Variants in ADGRB3 observed in about 807,000 individuals in gnomAD.
The protein encoded by ADGRB3 is brain-specific angiogenesis inhibitor 3.
Under a neutral mutation model 193.4 loss-of-function variants are expected in ADGRB3, and 37 were observed. That is an observed-to-expected ratio of 0.19 (90% CI 0.15 to 0.25). The LOEUF (loss-of-function observed/expected upper bound fraction) is 0.25. Among genes scored for constraint, ADGRB3 ranks in the 10% least tolerant of loss-of-function variants. ADGRB3 has a pLI of 1.00. For missense variants in ADGRB3, 1,637 were observed against 1,852.9 expected, an observed-to-expected ratio of 0.88 and a Z score of 2.14; for synonymous variants, 690 against 644.2, an observed-to-expected ratio of 1.07 and a Z score of -1.08.
intron 1 of ADGRB3, among the ~76,000 whole-genome samples, chr6:68,636,694 G>A (rs1413226486): frequency 6.6e-6 from 1 of 152,170 alleles, no homozygotes; most frequent in Non-Finnish European, 1.5e-5. Flanking sequence ...AGGCATTAAA[G>A]TGAATTCAGA....
intron 17 of ADGRB3, among the ~76,000 whole-genome samples, chr6:69,160,839 C>T (rs1424504733): frequency 1.3e-5 from 2 of 152,090 alleles, no homozygotes; most frequent in East Asian, 3.9e-4. Context: ...GCAATTACCT[C>T]TGAACTTAGT....
intron 17 of ADGRB3, among the ~76,000 whole-genome samples, chr6:69,101,886 C>G (rs182647817): frequency 2.0e-5 from 3 of 152,138 alleles, no homozygotes; most frequent in African/African-American, 7.2e-5. Flanking sequence ...ACTATATTGC[C>G]TCCTAATATA....
intron 3 of ADGRB3, among the ~76,000 whole-genome samples, chr6:68,877,587 C>T (rs1005533091): frequency 2.6e-5 from 4 of 152,086 alleles, no homozygotes; most frequent in African/African-American, 9.7e-5. Context: ...GACCTTTGTT[C>T]TCAGCACATC....
intron 17 of ADGRB3, among the ~76,000 whole-genome samples, chr6:69,180,257 G>A (rs1042221353): frequency 2.6e-5 from 4 of 152,170 alleles, no homozygotes; most frequent in African/African-American, 7.2e-5. Flanking sequence ...GAATGGTGGG[G>A]TGGCTCAGAC....
chr6:69,300,844 A>G (rs1352240480), intron 20 of ADGRB3, among the ~76,000 whole-genome samples: 3 of 151,822 alleles, frequency 2.0e-5, no homozygotes, highest in Non-Finnish European at 2.9e-5. Context: ...GAGATATTAC[A>G]TGTTCATGAA....
Position 68,920,512 on chromosome 6 carries a change from CAAAAAAAAA to C in ADGRB3, c.758-10030_758-10022del, listed in dbSNP as rs5877180. On this transcript the variant is annotated intron_variant, in intron 3 of 31. Coordinates refer to ENST00000370598, the MANE Select transcript of ADGRB3 (RefSeq NM_001704.3). ...AGCCTCGGCGACAGAGACTCTGTATCAAAAAAAAAAAAAAAAAAAAAAAAAGTCCTAAAA... is the reference window on the plus strand; with the variant it reads ...AGCCTCGGCGACAGAGACTCTGTATCAAAAAAAAAAAAAAAAGTCCTAAAA... Among the ~76,000 whole-genome samples the C allele has an allele frequency of 5.8e-5, 4 of 68,916 alleles. No individual in the cohort carries two copies. In the South Asian group the frequency reaches 2.4e-3, roughly 41 times the overall value. 45.2% of individuals were successfully genotyped at this position (68,916 alleles called of 152,430 possible).
chr6:69,307,225 T>C (rs1768084817), intron 20 of ADGRB3, among the ~76,000 whole-genome samples: 1 of 151,534 alleles, frequency 6.6e-6, no homozygotes, highest in Non-Finnish European at 1.5e-5. Flanking sequence ...CCTGATGTCA[T>C]TGTCTTCTAT....
chr6:68,656,365 G>A (rs1204541441), intron 3 of ADGRB3, among the ~76,000 whole-genome samples: 7 of 151,472 alleles, frequency 4.6e-5, no homozygotes, highest in African/African-American at 1.7e-4. Flanking sequence ...ATTCAGGCAA[G>A]TCACATAATC....
At position 69,271,102 on chromosome 6, in the gene ADGRB3, A is replaced by T. The variant is rs962113322; in HGVS notation, c.2814+31876A>T. On this transcript the variant is annotated intron_variant, in intron 20 of 31. Coordinates refer to ENST00000370598, the MANE Select transcript of ADGRB3 (RefSeq NM_001704.3). ...AACTCTCCAGAATTGTTCTGTTAAA[A>T]ATAAGAAAAGCAGTCTTTAGCCATA... Among the ~76,000 whole-genome samples, 76 of 152,200 alleles carry T rather than the reference A, an allele frequency of 5.0e-4. 2 individuals carry two copies. The highest frequency in any genetic ancestry group is 5.0e-3 in the Admixed American group (76 of 15,270).
intron 3 of ADGRB3, among the ~76,000 whole-genome samples, chr6:68,799,691 AATAG>A (rs1237478516): frequency 6.6e-6 from 1 of 152,186 alleles, no homozygotes; most frequent in African/African-American, 2.4e-5. Flanking sequence ...CACATGAGGA[AATAG>A]ATAAAGGCCA....
chr6:68,797,419 A>G (rs973049857), intron 3 of ADGRB3, among the ~76,000 whole-genome samples: 12 of 151,552 alleles, frequency 7.9e-5, no homozygotes, highest in South Asian at 2.1e-4. Context: ...AAAAAAAAAA[A>G]GGATGTACTT....
At chr6:69,281,502 G>A (rs941440789) in intron 20 of ADGRB3, among the ~76,000 whole-genome samples, 1 of 152,208 alleles carries the variant, frequency 6.6e-6, no homozygotes, top group South Asian at 2.1e-4. Flanking sequence ...CCATATTACA[G>A]AGCAGTTGCC....
At chr6:69,320,383 G>A (rs775506802) in intron 20 of ADGRB3, among the ~76,000 whole-genome samples, 107 of 150,498 alleles carry the variant, frequency 7.1e-4, no homozygotes, top group African/African-American at 2.3e-3. Context: ...TTTAAGTTCC[G>A]GGGGTACATG....
chr6:68,761,008 C>A (rs1766385629), intron 3 of ADGRB3, among the ~76,000 whole-genome samples: 1 of 152,134 alleles, frequency 6.6e-6, no homozygotes, highest in African/African-American at 2.4e-5. Flanking sequence ...AGTTAAATGG[C>A]TTGGGTTATT....
In ADGRB3 at chr6:68,639,368, C is replaced by G. The variant is rs779982210; in HGVS notation, c.693C>G (p.Thr231=). 6.2e-7 allele frequency: 1 copy of G among 1,613,800 alleles called. No individual in the cohort carries two copies. Among genetic ancestry groups the G allele is most frequent in the South Asian group, 1.1e-5 (1 of 91,074 alleles). ...PLNEQTEGCL[T]QELQTTQVCN... is the part of the protein sequence containing the mutation. Reference sequence around the variant, plus strand: ...ATGAGCAGACAGAGGGCTGCCTGACCCAGGAGCTGCAAACCACCCAAGTCT... The same window carrying G: ...ATGAGCAGACAGAGGGCTGCCTGACGCAGGAGCTGCAAACCACCCAAGTCT... The change falls in exon 3 of 32, where the codon ACC becomes ACG. Residue 231 remains threonine, a synonymous_variant. Transcript: ENST00000370598.
At chr6:68,766,038 G>A (rs532535845) in intron 3 of ADGRB3, among the ~76,000 whole-genome samples, 57 of 151,748 alleles carry the variant, frequency 3.8e-4, no homozygotes, top group Middle Eastern at 3.4e-3. Flanking sequence ...CACATTTTTC[G>A]TATCATGCGT....
intron 10 of ADGRB3, 32 bp downstream of exon 10, chr6:68,975,372 T>C (rs747150071): frequency 3.3e-6 from 5 of 1,534,832 alleles, no homozygotes; most frequent in Non-Finnish European, 4.5e-6. Flanking sequence ...GTACTTGCTC[T>C]GTTTATTTTT....
chr6:69,018,083 T>C (rs1443765722), intron 12 of ADGRB3, among the ~76,000 whole-genome samples: 1 of 151,912 alleles, frequency 6.6e-6, no homozygotes, highest in Non-Finnish European at 1.5e-5. Context: ...TTTTGTTAAG[T>C]GATGAAAAGA....
chr6:68,920,607 C>T (rs1767014934), intron 3 of ADGRB3, among the ~76,000 whole-genome samples: 1 of 149,504 alleles, frequency 6.7e-6, no homozygotes, highest in African/African-American at 2.5e-5. Context: ...CTGGATACTA[C>T]GAGTGAGTAG....
Sources: gnomAD v4.1 joint callset for allele counts (sites outside exome capture counted in the v4.1 genomes callset) on GRCh38, gnomAD v4.1.1 for gene constraint, MANE v1.5 for transcripts, NCBI Gene and HGNC (gene_info 2026-07-23, HGNC 2026-07-21) for gene names.